Variants in SEMA6B observed in about 807,000 individuals in gnomAD.
SEMA6B encodes the protein semaphorin-6B.
Under a neutral mutation model 78.6 loss-of-function variants are expected in SEMA6B, and 47 were observed. That is an observed-to-expected ratio of 0.60 (90% CI 0.47 to 0.76). SEMA6B has a LOEUF of 0.76. Ranked by LOEUF, SEMA6B falls within the 30% of genes least tolerant of loss-of-function variation. The probability of loss-of-function intolerance (pLI) is 0.00; values close to 1 mark genes in which losing one functional copy is unlikely to be tolerated. For synonymous variants in SEMA6B, 632 were observed against 592.2 expected (o/e 1.07, Z -0.98); for missense variants, 1,213 against 1,269.9 (o/e 0.96, Z 0.68).
Position 4,548,587 on chromosome 19 carries a change from TG to T in SEMA6B, c.1272-143del, listed in dbSNP as rs1351282985. On this transcript the variant is annotated intron_variant, in intron 12 of 16. Transcript: ENST00000586582. ...AGCAATAAATGCGTGTGTGCATGGA[TG>T]CCGGGGACATGCGTGACTACACAGG... is the stretch of plus-strand genomic sequence containing the variant. 1.5e-5 allele frequency: 12 copies of T among 783,330 alleles called. No homozygotes were observed. The African/African-American group carries it at 2.1e-4, about 14-fold the overall frequency. 48.5% of individuals were successfully genotyped at this position (783,330 alleles called of 1,614,324 possible). A position where few individuals can be genotyped will look rare whatever the true frequency, so the allele number is the denominator to read the frequency against.
Position 4,548,157 on chromosome 19 carries a change from C to T in SEMA6B, c.1471G>A (p.Gly491Ser), listed in dbSNP as rs779426126. Reference sequence around the variant, plus strand: ...AGCAGCCGCTGCCCTGTCTCGCCACCGCCGGGCCGTCCACACCTGGGGACA... The same window carrying T: ...AGCAGCCGCTGCCCTGTCTCGCCACTGCCGGGCCGTCCACACCTGGGGACA... ...YRPDRCGRPG[G>S]GETGQRLLSL... Residue 491 changes from glycine (G) to serine (S), a missense_variant, in exon 14 of 17, where the codon GGT becomes AGT. By Grantham distance (56) the Gly-to-Ser change is moderately conservative. Coordinates refer to ENST00000586582, the MANE Select transcript of SEMA6B (RefSeq NM_032108.4). 19 of 1,591,136 alleles carry T rather than the reference C, an allele frequency of 1.2e-5. No individual in the cohort carries two copies. Among genetic ancestry groups the T allele is most frequent in the Admixed American group, 5.1e-5 (3 of 58,772 alleles).
chr19:4,557,326 C>A, intron 3 of SEMA6B, 103 bp from the exon 4 acceptor site: 1 of 765,536 alleles, frequency 1.3e-6, no homozygotes, highest in South Asian at 1.8e-5. Flanking sequence ...CATGCAGGGC[C>A]ATGCCAATGC....
intron 14 of SEMA6B, among the ~76,000 whole-genome samples, chr19:4,547,222 T>TAA (rs1977193558): frequency 6.6e-6 from 1 of 152,112 alleles, no homozygotes; most frequent in Non-Finnish European, 1.5e-5. Flanking sequence ...CCTCCTGCCT[T>TAA]GGCCTCCCAA....
chr19:4,554,265 T>C, intron 9 of SEMA6B, 123 bp downstream of exon 9: 1 of 760,704 alleles, frequency 1.3e-6, no homozygotes, highest in Non-Finnish European at 2.2e-6. Flanking sequence ...AAGGAGGCCC[T>C]GGGGACCAGA....
At chr19:4,549,001 A>G (rs1339066451) in intron 12 of SEMA6B, among the ~76,000 whole-genome samples, 1 of 150,292 alleles carries the variant, frequency 6.7e-6, no homozygotes, top group Non-Finnish European at 1.5e-5. Context: ...TTTTTTTTGT[A>G]TTTTTAGTAG....
intron 14 of SEMA6B, among the ~76,000 whole-genome samples, chr19:4,547,123 C>G (rs534861349): frequency 2.0e-5 from 3 of 151,560 alleles, no homozygotes; most frequent in African/African-American, 7.3e-5. Context: ...CCACGCCCAG[C>G]TGATTTTTGC....
intron 12 of SEMA6B, 130 bp downstream of exon 12, chr19:4,549,993 C>T (rs914649638): frequency 2.1e-5 from 17 of 811,510 alleles, no homozygotes; most frequent in Non-Finnish European, 3.3e-5. Flanking sequence ...CTCTCTGTCT[C>T]TCTGTGTCTC....
Position 4,550,379 on chromosome 19 carries a change from T to G in SEMA6B, c.1122-107A>C. ...TGCCCAACGACCCTCAGGTTTTTTG[T>G]TTGTTTTGTTTTTGAGACAGAGTCT... On this transcript the variant is annotated intron_variant, in intron 11 of 16. Transcript: ENST00000586582. This position sits in a 1 kb window ranked among gnomAD's most constrained non-coding sequence, Gnocchi z 6.6. 7.9e-7 allele frequency: 1 copy of G among 1,273,470 alleles called. No individual in the cohort carries two copies. Among genetic ancestry groups the G allele is most frequent in the Non-Finnish European group, 1.1e-6 (1 of 910,342 alleles). 78.9% of individuals were successfully genotyped at this position (1,273,470 alleles called of 1,614,324 possible).
Position 4,548,149 on chromosome 19 carries a change from C to T in SEMA6B, c.1479G>A (p.Glu493=). ...CCAAGCTCAGCAGCCGCTGCCCTGT[C>T]TCGCCACCGCCGGGCCGTCCACACC... is the stretch of plus-strand genomic sequence containing the variant. ...PDRCGRPGGG[E]TGQRLLSLEL... The change falls in exon 14 of 17, where the codon GAG becomes GAA. Residue 493 remains glutamate, a synonymous_variant. Coordinates refer to ENST00000586582, the MANE Select transcript of SEMA6B (RefSeq NM_032108.4). 6.3e-7 allele frequency: 1 copy of T among 1,591,810 alleles called. No individual in the cohort carries two copies. The highest frequency in any genetic ancestry group is 2.3e-5 in the East Asian group (1 of 44,234).
Position 4,548,258 on chromosome 19 carries a change from C to T in SEMA6B, c.1454+5G>A. 1 of 1,604,954 alleles carries T rather than the reference C, an allele frequency of 6.2e-7. No homozygotes were observed. ...CGACCCCTTCCCACCTTTGCCCAGA[C>T]TTACCTGTCCGGCCGGTAGGTCTCA... On this transcript the variant is annotated splice_donor_5th_base_variant and intron_variant, in intron 13 of 16. Coordinates refer to ENST00000586582, the MANE Select transcript of SEMA6B (RefSeq NM_032108.4).
At chr19:4,549,813 A>G (rs981583717) in intron 12 of SEMA6B, among the ~76,000 whole-genome samples, 1 of 150,302 alleles carries the variant, frequency 6.7e-6, no homozygotes, top group Admixed American at 6.6e-5. Context: ...AGGTTTCTCC[A>G]TGTTGGCCAG....
intron 5 of SEMA6B, 96 bp downstream of exon 5, chr19:4,556,855 C>A: frequency 2.8e-6 from 3 of 1,074,326 alleles, no homozygotes; most frequent in Non-Finnish European, 3.8e-6. Context: ...GTGGCCAGGG[C>A]TGGCGGGGTG....
At position 4,558,132 on chromosome 19, in the gene SEMA6B, C is replaced by T. The variant is rs1228829158; in HGVS notation, c.139G>A (p.Val47Met). The T allele has an allele frequency of 6.6e-7, 1 of 1,508,320 alleles. No individual in the cohort carries two copies. Among genetic ancestry groups the T allele is most frequent in the Non-Finnish European group, 8.9e-7 (1 of 1,119,958 alleles). The allele number at this position is 1,508,320 out of a possible 1,614,324, so 93.4% of individuals were successfully genotyped here. The change falls in exon 3 of 17, where the codon GTG becomes ATG. Residue 47 changes from valine (V) to methionine (M), a missense_variant. Val to Met is a conservative substitution (Grantham distance 21). Transcript: ENST00000586582. The surrounding 1 kb of genome is among the most constrained non-coding windows in gnomAD (Gnocchi z 5.1). ...APRDYLNHYP[V>M]FVGSGPGRLT... ...CGTCCGGGCCCGCTGCCCACAAACA[C>T]GGGATAGTGGTTCAGGTCTGAGTGA...
chr19:4,546,522 C>T (rs1977173447), intron 14 of SEMA6B, 53 bp from the exon 15 acceptor site: 3 of 1,326,070 alleles, frequency 2.3e-6, no homozygotes, highest in Admixed American at 5.1e-5. Context: ...CTTACACAAC[C>T]CCAATGGTGA....
chr19:4,544,924 G>A lies in SEMA6B; in HGVS notation c.1739-395C>T, dbSNP rs1207114045. On this transcript the variant is annotated intron_variant, in intron 16 of 16. Transcript: ENST00000586582. The surrounding 1 kb of genome is among the most constrained non-coding windows in gnomAD (Gnocchi z 5.1). ...TGGGATTACAGGCATAAGCCACCACGACTGGCCTTATTTTTATTATTTTTT... is the reference window on the plus strand; with the variant it reads ...TGGGATTACAGGCATAAGCCACCACAACTGGCCTTATTTTTATTATTTTTT... Among the ~76,000 whole-genome samples, 2 of 151,786 alleles carry A rather than the reference G, an allele frequency of 1.3e-5. No individual in the cohort carries two copies. The highest frequency in any genetic ancestry group is 2.4e-5 in the African/African-American group (1 of 41,358).
chr19:4,556,444 T>G (rs1977471515), intron 5 of SEMA6B, among the ~76,000 whole-genome samples: 1 of 148,354 alleles, frequency 6.7e-6, no homozygotes, highest in Non-Finnish European at 1.5e-5. Context: ...TGGGCACGGT[T>G]ATAGCTGATT....
Position 4,543,629 on chromosome 19 carries a change from G to GC in SEMA6B, c.2638dup (p.Ala880GlyfsTer144), listed in dbSNP as rs1555696837. ...GGGCACGGGGGGCGCAGTCCTGTCC[G>GC]CCCCCCCATAGGGGAGGAGGTGGGC... is the stretch of plus-strand genomic sequence containing the variant. On this transcript the variant is annotated frameshift_variant, in exon 17 of 17. Transcript: ENST00000586582. LOFTEE classifies it high-confidence loss of function. 5.7e-6 allele frequency: 7 copies of GC among 1,232,502 alleles called. No homozygotes were observed. The highest frequency in any genetic ancestry group is 7.1e-6 in the Non-Finnish European group (7 of 987,812). The allele number at this position is 1,232,502 out of a possible 1,614,324, so 76.3% of individuals were successfully genotyped here.
rs761370854 is a variant in SEMA6B at position 4,558,109 on chromosome 19, T to A, written c.162A>T (p.Gly54=). ...CAGCACCTTCTGCGGGGGTCAGGCG[T>A]CCGGGCCCGCTGCCCACAAACACGG... ...HYPVFVGSGP[G]RLTPAEGADD... The change falls in exon 3 of 17, where the codon GGA becomes GGT. Residue 54 remains glycine, a synonymous_variant. Transcript: ENST00000586582. The surrounding 1 kb of genome is among the most constrained non-coding windows in gnomAD (Gnocchi z 5.1). The A allele has an allele frequency of 6.5e-7, 1 of 1,528,696 alleles. No homozygotes were observed. The highest frequency in any genetic ancestry group is 8.8e-7 in the Non-Finnish European group (1 of 1,130,662). The allele number at this position is 1,528,696 out of a possible 1,614,324, so 94.7% of individuals were successfully genotyped here.
In SEMA6B at chr19:4,558,304, T is replaced by C; in HGVS notation, c.121+33A>G. On this transcript the variant is annotated intron_variant, in intron 2 of 16. Transcript: ENST00000586582. This position sits in a 1 kb window ranked among gnomAD's most constrained non-coding sequence, Gnocchi z 5.1. ...GGGAACCCAGATACTCCCACGGGAC[T>C]CCACCCCCGCCCAAAGACACCCCCA... 1 of 1,314,092 alleles carries C rather than the reference T, an allele frequency of 7.6e-7. No individual in the cohort carries two copies. Among genetic ancestry groups the C allele is most frequent in the African/African-American group, 1.5e-5 (1 of 66,058 alleles). 81.4% of individuals were successfully genotyped at this position (1,314,092 alleles called of 1,614,324 possible). A position where few individuals can be genotyped will look rare whatever the true frequency, so the allele number is the denominator to read the frequency against.
Sources: allele counts gnomAD v4.1 joint callset (sites outside exome capture counted in the v4.1 genomes callset), GRCh38; gene constraint gnomAD v4.1.1; non-coding constraint Gnocchi (gnomAD v3.1); transcripts MANE v1.5; gene names NCBI Gene and HGNC (gene_info 2026-07-23, HGNC 2026-07-21).